CS: variants seen among roughly 807,000 people sequenced by gnomAD.
The protein encoded by CS is citrate synthase, mitochondrial.
A neutral mutation model predicts 61.4 loss-of-function variants in CS; 13 were observed. The observed-to-expected ratio is 0.21, with a 90% confidence interval of 0.14 to 0.34. The LOEUF (loss-of-function observed/expected upper bound fraction) is 0.34, where lower values mean the gene tolerates loss of function less well. Among genes scored for constraint, CS ranks in the 10% least tolerant of loss-of-function variants. CS has a pLI of 1.00. For missense variants in CS, 278 were observed against 573.4 expected (o/e 0.48, Z 5.26); for synonymous variants, 159 against 215.2 (o/e 0.74, Z 2.29).
intron 7 of CS, chr12:56,275,569 TAA>T (rs769377638): frequency 0.016 from 1,704 of 106,026 alleles, no homozygotes; most frequent in South Asian, 0.046. Context: ...AGACTCCATC[TAA>T]AAAAAAAAAA....
intron 6 of CS, among the ~76,000 whole-genome samples, chr12:56,277,304 C>A (rs1872649698): frequency 6.6e-6 from 1 of 151,400 alleles, no homozygotes; most frequent in East Asian, 2.0e-4. Context: ...TCGAGACCAT[C>A]CTGGCTAACA....
chr12:56,291,264 G>A (rs761232203), intron 1 of CS: 3 of 1,109,966 alleles, frequency 2.7e-6, no homozygotes, highest in Non-Finnish European at 3.3e-6. Flanking sequence ...CAGGAAAGAG[G>A]CAGTCAAGCC....
Position 56,300,289 on chromosome 12 carries a change from C to A in CS, c.-88G>T, listed in dbSNP as rs1011504429. 1.1e-5 allele frequency: 15 copies of A among 1,379,590 alleles called. No homozygotes were observed. The highest frequency in any genetic ancestry group is 2.8e-5 in the East Asian group (1 of 36,158). The allele number at this position is 1,379,590 out of a possible 1,614,324, so 85.5% of individuals were successfully genotyped here. A position where few individuals can be genotyped will look rare whatever the true frequency, so the allele number is the denominator to read the frequency against. On this transcript the variant is annotated 5_prime_UTR_variant, in exon 1 of 11. Coordinates refer to ENST00000351328, the MANE Select transcript of CS (RefSeq NM_004077.3). ...GAGCCGCCGCCGCTGCACCAGAGGCCGCGCCGACGGGTTGACAAGGTTGAA... is the reference window on the plus strand; with the variant it reads ...GAGCCGCCGCCGCTGCACCAGAGGCAGCGCCGACGGGTTGACAAGGTTGAA...
At chr12:56,294,299 C>A (rs909522270) in intron 1 of CS, among the ~76,000 whole-genome samples, 1 of 151,718 alleles carries the variant, frequency 6.6e-6, no homozygotes, top group African/African-American at 2.4e-5. Context: ...GATGGTGAAA[C>A]CCTGTCTCTA....
intron 4 of CS, 53 bp downstream of exon 4, chr12:56,283,739 G>T: frequency 7.3e-7 from 1 of 1,373,222 alleles, no homozygotes; most frequent in Non-Finnish European, 1.0e-6. Flanking sequence ...TCCACGGTTT[G>T]CGTATTTGCA....
intron 9 of CS, chr12:56,274,212 T>G: frequency 4.8e-6 from 1 of 208,300 alleles, no homozygotes; most frequent in Non-Finnish European, 9.8e-6. Flanking sequence ...TCCCAGCTAC[T>G]CGAGAGGATG....
At chr12:56,288,850 G>T (rs1458322540) in intron 1 of CS, among the ~76,000 whole-genome samples, 1 of 151,430 alleles carries the variant, frequency 6.6e-6, no homozygotes, top group East Asian at 1.9e-4. Flanking sequence ...GTAGAGATGG[G>T]GTCTTGCTCT....
At chr12:56,273,523 T>G (rs1348519936) in intron 10 of CS, 64 bp downstream of exon 10, 1 of 1,500,128 alleles carries the variant, frequency 6.7e-7, no homozygotes, top group Non-Finnish European at 9.3e-7. Context: ...ATTGACTTTG[T>G]GCATGGCAGA....
chr12:56,272,151 C>CA lies in CS; in HGVS notation c.*932dup, dbSNP rs1872534287. The CA allele has an allele frequency of 3.6e-6, 1 of 279,954 alleles. No homozygotes were observed. Among genetic ancestry groups the CA allele is most frequent in the Non-Finnish European group, 7.1e-6 (1 of 140,858 alleles). 17.3% of individuals were successfully genotyped at this position (279,954 alleles called of 1,614,324 possible). On this transcript the variant is annotated 3_prime_UTR_variant, in exon 11 of 11. Transcript: ENST00000351328. ...AAAAGAGGTGCTAATACCCCGGGGACAAGACTCTGAAAATATCATGCTGGT... is the reference window on the plus strand; with the variant it reads ...AAAAGAGGTGCTAATACCCCGGGGACAAAGACTCTGAAAATATCATGCTGGT...
chr12:56,285,324 C>A, intron 3 of CS: 1 of 404,924 alleles, frequency 2.5e-6, no homozygotes, highest in Admixed American at 2.5e-5. Flanking sequence ...CCTCTGTTGC[C>A]CAGGCTATAC....
chr12:56,290,821 TA>T (rs1368520462), intron 1 of CS, among the ~76,000 whole-genome samples: 1 of 152,194 alleles, frequency 6.6e-6, no homozygotes. Context: ...AGATAACACT[TA>T]AACTACTTAA....
intron 4 of CS, 84 bp from the exon 5 acceptor site, chr12:56,283,075 A>T (rs1013151920): frequency 6.9e-7 from 1 of 1,448,652 alleles, no homozygotes; most frequent in Admixed American, 1.8e-5. Flanking sequence ...ACCTTACAAC[A>T]AGTTAGAGTA....
At chr12:56,274,165 T>A (rs1872574948) in intron 9 of CS, 1 of 247,990 alleles carries the variant, frequency 4.0e-6, no homozygotes, top group Non-Finnish European at 7.9e-6. Flanking sequence ...CTACTAAAAA[T>A]ACAAAATTAG....
Position 56,272,217 on chromosome 12 carries a change from G to T in CS, c.*867C>A. On this transcript the variant is annotated 3_prime_UTR_variant, in exon 11 of 11. Coordinates refer to ENST00000351328, the MANE Select transcript of CS (RefSeq NM_004077.3). ...TGCCCCACAGCATATTAAAAGATGG[G>T]GGTTGGTGGGGGGTGGGGAGGTCAG... 1 of 227,182 alleles carries T rather than the reference G, an allele frequency of 4.4e-6. No homozygotes were observed. Among genetic ancestry groups the T allele is most frequent in the South Asian group, 5.1e-5 (1 of 19,786 alleles). The allele number at this position is 227,182 out of a possible 1,614,324, so 14.1% of individuals were successfully genotyped here. A position where few individuals can be genotyped will look rare whatever the true frequency, so the allele number is the denominator to read the frequency against.
chr12:56,282,652 G>T (rs777769764), intron 5 of CS, 44 bp from the exon 6 acceptor site: 1 of 1,556,336 alleles, frequency 6.4e-7, no homozygotes, highest in South Asian at 1.2e-5. Flanking sequence ...CAAGGACAAG[G>T]AAGGAGAAAA....
intron 6 of CS, among the ~76,000 whole-genome samples, chr12:56,278,930 C>T (rs891794430): frequency 2.6e-5 from 4 of 151,892 alleles, no homozygotes; most frequent in African/African-American, 7.3e-5. Flanking sequence ...TGCACCAGGA[C>T]GCTCAGCTAA....
intron 3 of CS, among the ~76,000 whole-genome samples, chr12:56,285,703 TAGG>T (rs1385515378): frequency 1.3e-5 from 2 of 152,100 alleles, no homozygotes; most frequent in African/African-American, 4.8e-5. Flanking sequence ...AGTTCTAGTC[TAGG>T]AGAAGGGGAT....
intron 10 of CS, 145 bp downstream of exon 10, chr12:56,273,442 C>A: frequency 2.0e-6 from 2 of 997,664 alleles, no homozygotes; most frequent in South Asian, 1.6e-5. Flanking sequence ...GCAACCCCAA[C>A]CCCCAACCCT....
chr12:56,295,693 G>A (rs1395198896), intron 1 of CS, among the ~76,000 whole-genome samples: 2 of 151,760 alleles, frequency 1.3e-5, no homozygotes, highest in Non-Finnish European at 2.9e-5. Flanking sequence ...GGCAGCTCAC[G>A]CCTGTAATCC....
Sources: gnomAD v4.1 joint callset for allele counts (sites outside exome capture counted in the v4.1 genomes callset) on GRCh38, gnomAD v4.1.1 for gene constraint, MANE v1.5 for transcripts, NCBI Gene and HGNC (gene_info 2026-07-23, HGNC 2026-07-21) for gene names.